POLG: variants seen among roughly 807,000 people sequenced by gnomAD.
The protein encoded by POLG is DNA polymerase gamma, catalytic subunit.
Under a neutral mutation model 155.4 loss-of-function variants are expected in POLG, and 110 were observed. The observed-to-expected ratio is 0.71, with a 90% confidence interval of 0.61 to 0.83. The LOEUF (loss-of-function observed/expected upper bound fraction) is 0.83, where lower values mean the gene tolerates loss of function less well. POLG is among the 40% of genes least tolerant of loss of function. POLG has a pLI of 0.00. For synonymous variants in POLG, 701 were observed against 631.5 expected, an observed-to-expected ratio of 1.11 and a Z score of -1.65; for missense variants, 1,685 against 1,627.5, an observed-to-expected ratio of 1.04 and a Z score of -0.61.
rs56306142 is a variant in POLG, at chr15:89,326,837, G to A, written c.1585+75C>T. ...TCCAGAAGGCTGGAGCAATCCTTTC[G>A]AAGGACCCCCTCAATCACAGGACCT... On this transcript the variant is annotated intron_variant, in intron 8 of 22. Coordinates refer to ENST00000268124, the MANE Select transcript of POLG (RefSeq NM_002693.3). 9.5e-5 allele frequency: 153 copies of A among 1,609,410 alleles called. 3 individuals are homozygous for A. The East Asian group carries it at 1.8e-3, about 19-fold the overall frequency.
chr15:89,317,182 T>G, intron 22 of POLG, 194 bp downstream of exon 22: 1 of 628,134 alleles, frequency 1.6e-6, no homozygotes, highest in Non-Finnish European at 2.8e-6. Flanking sequence ...TTTGAAGCTC[T>G]GCTGCCTTCA....
chr15:89,325,489 C>T lies in POLG; in HGVS notation c.1910G>A (p.Gly637Asp), dbSNP rs748925763. 8.7e-6 allele frequency: 14 copies of T among 1,608,164 alleles called. No homozygotes were observed. The highest frequency in any genetic ancestry group is 3.3e-4 in the Middle Eastern group (2 of 6,062). The change falls in exon 10 of 23, where the codon GGT becomes GAT. Residue 637 changes from glycine (G) to aspartate (D), a missense_variant. By Grantham distance (94) the Gly-to-Asp change is moderately conservative. Transcript: ENST00000268124. ...CACCCCAGCTGACTCCAGGGTGGTA[C>T]CTGTCGGCAGCTTGGCCAGGTTGTC... ...RRDNLAKLPT[G>D]TTLESAGVVC...
intron 2 of POLG, among the ~76,000 whole-genome samples, 167 bp downstream of exon 2, chr15:89,332,928 AC>A (rs1439725850): frequency 1.3e-5 from 2 of 152,238 alleles, no homozygotes; most frequent in Admixed American, 1.3e-4. Flanking sequence ...TGATCTTCCC[AC>A]CAGAAAGTGA....
intron 1 of POLG, 198 bp downstream of exon 1, chr15:89,334,475 C>A (rs1018037250): frequency 6.6e-6 from 1 of 152,224 alleles, no homozygotes; most frequent in African/African-American, 2.4e-5. Flanking sequence ...CACGGCCCAC[C>A]CGGCCGAGAG....
chr15:89,322,044 C>T (rs1359734664), intron 14 of POLG, 29 bp from the exon 15 acceptor site: 3 of 1,611,278 alleles, frequency 1.9e-6, no homozygotes, highest in Non-Finnish European at 2.5e-6. Flanking sequence ...TGAGGCTCAG[C>T]ACAGCCATGG....
chr15:89,317,682 G>C (rs2152057252), intron 21 of POLG, 146 bp from the exon 22 acceptor site: 1 of 788,210 alleles, frequency 1.3e-6, no homozygotes, highest in Admixed American at 1.9e-5. Flanking sequence ...CAAGAAAGGT[G>C]AAGGTCCAGC....
intron 10 of POLG, 130 bp downstream of exon 10, chr15:89,325,320 T>A (rs1372073689): frequency 1.5e-6 from 1 of 668,046 alleles, no homozygotes; most frequent in East Asian, 2.5e-5. Context: ...GTGTGTTAAT[T>A]TTTTTCCTGT....
chr15:89,325,147 T>TGAGA (rs1567189549), intron 10 of POLG, among the ~76,000 whole-genome samples: 5 of 20,718 alleles, frequency 2.4e-4, no homozygotes, highest in African/African-American at 7.4e-4. Context: ...AGTGAGAGAG[T>TGAGA]GAGTGAGTGA....
At chr15:89,322,107 G>A (rs536332171) in intron 14 of POLG, 92 bp from the exon 15 acceptor site, 4 of 1,194,550 alleles carry the variant, frequency 3.3e-6, no homozygotes, top group East Asian at 2.3e-5. Context: ...CCACCTCCAG[G>A]ACTGCTATAC....
rs1424473405 is a variant in POLG at position 89,318,979 on chromosome 15, C to G, written c.3225G>C (p.Leu1075=). 2 of 1,614,150 alleles carry G rather than the reference C, an allele frequency of 1.2e-6. No individual in the cohort carries two copies. Among genetic ancestry groups the G allele is most frequent in the Non-Finnish European group, 1.7e-6 (2 of 1,180,014 alleles). ...ATSDIPRTPV[L]GCCISRALEP... is the part of the protein sequence containing the mutation. Reference sequence around the variant, plus strand: ...CCAGGGCTCGGCTGATGCAGCAGCCCAGCACCGGGGTACGTGGTATGTCAG... The same window carrying G: ...CCAGGGCTCGGCTGATGCAGCAGCCGAGCACCGGGGTACGTGGTATGTCAG... The change falls in exon 20 of 23, where the codon CTG becomes CTC. Residue 1075 remains leucine, a synonymous_variant. Transcript: ENST00000268124.
At chr15:89,323,637 T>A (rs2055430089) in intron 12 of POLG, 126 bp from the exon 13 acceptor site, 2 of 810,430 alleles carry the variant, frequency 2.5e-6, no homozygotes, top group Non-Finnish European at 4.3e-6. Flanking sequence ...AAGATGGCCA[T>A]GAGGTCTCAC....
intron 9 of POLG, 118 bp downstream of exon 9, chr15:89,326,494 G>A: frequency 9.0e-7 from 1 of 1,114,918 alleles, no homozygotes; most frequent in Admixed American, 1.9e-5. Context: ...CTGAATGGCA[G>A]CAGGTCAATA....
intron 13 of POLG, 109 bp from the exon 14 acceptor site, chr15:89,323,011 G>C: frequency 1.8e-6 from 2 of 1,113,172 alleles, no homozygotes; most frequent in Non-Finnish European, 2.6e-6. Flanking sequence ...AACCTCAGCA[G>C]TCTGAGGCAA....
In POLG at chr15:89,333,464, C is replaced by T. The variant is rs751813427; in HGVS notation, c.291G>A (p.Glu97=). The T allele has an allele frequency of 1.2e-6, 2 of 1,611,500 alleles. No individual in the cohort carries two copies. The highest frequency in any genetic ancestry group is 1.3e-5 in the African/African-American group (1 of 74,928). Reference sequence around the variant, plus strand: ...GCTCGACGCTGCGGCGCACCGCGGCCTCGCCAGGCATCTCCCCTCCTTGCC... The same window carrying T: ...GCTCGACGCTGCGGCGCACCGCGGCTTCGCCAGGCATCTCCCCTCCTTGCC... ...IFGQGGEMPG[E]AAVRRSVEHL... Residue 97 remains glutamate (E), a synonymous_variant, in exon 2 of 23, where the codon GAG becomes GAA. Coordinates refer to ENST00000268124, the MANE Select transcript of POLG (RefSeq NM_002693.3).
intron 18 of POLG, 87 bp from the exon 19 acceptor site, chr15:89,319,437 C>T (rs1040358542): frequency 5.1e-5 from 80 of 1,565,196 alleles, no homozygotes; most frequent in Non-Finnish European, 8.7e-6. Context: ...CATATCACTT[C>T]AACTTTTAAA....
Position 89,316,453 on chromosome 15 carries a change from A to G in POLG, c.*298T>C. On this transcript the variant is annotated 3_prime_UTR_variant, in exon 23 of 23. Coordinates refer to ENST00000268124, the MANE Select transcript of POLG (RefSeq NM_002693.3). ...AAGAACCAGCCAAGAAGAAAAGGAA[A>G]AAATAAATGAAATGCCTGAGTTAAT... is the stretch of plus-strand genomic sequence containing the variant. 1 of 1,609,820 alleles carries G rather than the reference A, an allele frequency of 6.2e-7. No homozygotes were observed. Among genetic ancestry groups the G allele is most frequent in the Non-Finnish European group, 8.5e-7 (1 of 1,177,434 alleles).
chr15:89,319,909 G>A (rs527930940), intron 18 of POLG, among the ~76,000 whole-genome samples: 26 of 152,174 alleles, frequency 1.7e-4, no homozygotes, highest in Non-Finnish European at 3.5e-4. Flanking sequence ...CCAGAGACAC[G>A]TCACTCGCAT....
At chr15:89,332,418 ATT>A (rs753846625) in intron 2 of POLG, 1 of 152,228 alleles carries the variant, frequency 6.6e-6, no homozygotes, top group Non-Finnish European at 1.5e-5. Context: ...TACTGCCATC[ATT>A]GTTTGAAAAA....
chr15:89,324,180 T>A lies in POLG; in HGVS notation c.1997A>T (p.Gln666Leu), dbSNP rs62640029. Residue 666 changes from glutamine to leucine, a missense_variant, in exon 11 of 23, where the codon CAG becomes CTG. Around this residue, in one of 3 missense-constraint regions of POLG, gnomAD observed 1,210 missense variants for 1,167.1 expected, o/e 1.04. Transcript: ENST00000268124. ...YRKHCLEQGKQQLMPQEAGLA... is the reference protein window; with the variant it reads ...YRKHCLEQGKLQLMPQEAGLA... Reference sequence around the variant, plus strand: ...GCCGGCCTCCTGGGGCATCAGCTGCTGCTTCCCCTGTTCGAGACAGTGCTT... The same window carrying A: ...GCCGGCCTCCTGGGGCATCAGCTGCAGCTTCCCCTGTTCGAGACAGTGCTT... 1.9e-6 allele frequency: 3 copies of A among 1,613,846 alleles called. No individual in the cohort carries two copies. In the African/African-American group the frequency reaches 4.0e-5, roughly 21 times the overall value.
Sources: allele counts gnomAD v4.1 joint callset (sites outside exome capture counted in the v4.1 genomes callset), GRCh38; gene constraint gnomAD v4.1.1; regional missense constraint gnomAD v4.1.1; transcripts MANE v1.5; gene names NCBI Gene and HGNC (gene_info 2026-07-23, HGNC 2026-07-21).